The following AMBRA1 variants were observed in gnomAD, a reference collection of about 807,000 sequenced individuals.
The protein encoded by AMBRA1 is activating molecule in BECN1-regulated autophagy protein 1.
A neutral mutation model predicts 125.4 loss-of-function variants in AMBRA1; 47 were observed. The observed-to-expected ratio is 0.37, with a 90% CI of 0.30 to 0.48. AMBRA1 has a LOEUF of 0.48. Among genes scored for constraint, AMBRA1 ranks in the 20% least tolerant of loss-of-function variants. The pLI is 0.99. For synonymous variants in AMBRA1, 626 were observed against 655.5 expected, an observed-to-expected ratio of 0.95 and a Z score of 0.69; for missense variants, 1,331 against 1,693.4, an observed-to-expected ratio of 0.79 and a Z score of 3.76.
chr11:46,407,446 C>CA lies in AMBRA1; in HGVS notation c.3403+1066dup, dbSNP rs1330884422. 2.0e-5 allele frequency among the ~76,000 whole-genome samples: 3 copies of CA among 152,012 alleles called. No individual in the cohort carries two copies. In the East Asian group the frequency reaches 5.8e-4, roughly 29 times the overall value. On this transcript the variant is annotated intron_variant, in intron 17 of 17. Coordinates refer to ENST00000683756, the MANE Select transcript of AMBRA1 (RefSeq NM_001387011.1). ...GCAGCTCAGAGTCCACAGAAACCTGCAAAAAAGGGCCTGAAGATGGCAGAA... is the reference window on the plus strand; with the variant it reads ...GCAGCTCAGAGTCCACAGAAACCTGCAAAAAAAGGGCCTGAAGATGGCAGAA...
chr11:46,466,773 A>G (rs1324501119), intron 11 of AMBRA1, among the ~76,000 whole-genome samples: 1 of 152,188 alleles, frequency 6.6e-6, no homozygotes, highest in African/African-American at 2.4e-5. Context: ...CAAGGCTAAT[A>G]AAGTTAAATG....
chr11:46,411,578 C>T (rs907283771), intron 15 of AMBRA1, among the ~76,000 whole-genome samples: 2 of 152,192 alleles, frequency 1.3e-5, no homozygotes, highest in Non-Finnish European at 2.9e-5. Flanking sequence ...AAGCAATTCT[C>T]CTGCCTCAGC....
chr11:46,425,539 C>G (rs1315680944), intron 14 of AMBRA1, among the ~76,000 whole-genome samples: 1 of 152,020 alleles, frequency 6.6e-6, no homozygotes, highest in Admixed American at 6.5e-5. Context: ...TCACTGATAT[C>G]GGTTAGAACT....
intron 4 of AMBRA1, 125 bp downstream of exon 4, chr11:46,546,988 T>C (rs1953051332): frequency 1.2e-6 from 1 of 867,920 alleles, no homozygotes. Context: ...GAAGTATCAC[T>C]TGAACCTGGG....
At position 46,593,871 on chromosome 11, in the gene AMBRA1, C is replaced by A. The variant is rs2044694851; in HGVS notation, c.-164G>T. On this transcript the variant is annotated 5_prime_UTR_variant, in exon 1 of 18. Transcript: ENST00000683756. ...CTCGGTTTGCAGTCCAGCGAACGGG[C>A]TGAGCCACAGGGAAAAAGAAAGAGG... 1.0e-5 allele frequency: 4 copies of A among 397,786 alleles called. No homozygotes were observed. Among genetic ancestry groups the A allele is most frequent in the Non-Finnish European group, 8.9e-6 (2 of 225,960 alleles). 24.6% of individuals were successfully genotyped at this position (397,786 alleles called of 1,614,324 possible).
At chr11:46,466,903 T>A (rs1949351285) in intron 11 of AMBRA1, among the ~76,000 whole-genome samples, 1 of 140,056 alleles carries the variant, frequency 7.1e-6, no homozygotes, top group Non-Finnish European at 1.5e-5. Context: ...CTAATGTTTC[T>A]TTTTTTCTTT....
intron 11 of AMBRA1, chr11:46,491,367 T>C (rs1950453550): frequency 6.6e-6 from 1 of 152,238 alleles, no homozygotes; most frequent in Non-Finnish European, 1.5e-5. Context: ...TTTCCTCCAC[T>C]GTTAATTAGG....
intron 11 of AMBRA1, among the ~76,000 whole-genome samples, chr11:46,461,793 CAG>C (rs1388740318): frequency 6.6e-6 from 1 of 152,206 alleles, no homozygotes; most frequent in Non-Finnish European, 1.5e-5. Context: ...CCCACAAAGG[CAG>C]AGACTCTAAA....
chr11:46,434,115 CAAAAAAAAAAAA>C (rs145761376), intron 13 of AMBRA1, among the ~76,000 whole-genome samples: 1 of 53,556 alleles, frequency 1.9e-5, no homozygotes, highest in Non-Finnish European at 3.7e-5. Flanking sequence ...AACTCCGTCT[CAAAAAAAAAAAA>C]AAAAAAAAAA....
chr11:46,470,282 A>T (rs1460200244), intron 11 of AMBRA1, among the ~76,000 whole-genome samples: 1 of 151,976 alleles, frequency 6.6e-6, no homozygotes, highest in Non-Finnish European at 1.5e-5. Flanking sequence ...ATCTACAAAA[A>T]ATTTTTTAAA....
chr11:46,401,559 G>A (rs1010305261), intron 17 of AMBRA1, among the ~76,000 whole-genome samples: 3 of 152,154 alleles, frequency 2.0e-5, no homozygotes, highest in Non-Finnish European at 2.9e-5. Flanking sequence ...AGATTACCAG[G>A]GGCAGAACAG....
At chr11:46,487,070 C>G (rs1008629958) in intron 11 of AMBRA1, among the ~76,000 whole-genome samples, 3 of 151,850 alleles carry the variant, frequency 2.0e-5, no homozygotes, top group Non-Finnish European at 4.4e-5. Flanking sequence ...CTAGCCTGGG[C>G]AACATGGCAA....
At chr11:46,430,907 A>G (rs1360706352) in intron 14 of AMBRA1, among the ~76,000 whole-genome samples, 1 of 152,192 alleles carries the variant, frequency 6.6e-6, no homozygotes, top group East Asian at 1.9e-4. Flanking sequence ...AAAGAGGGAG[A>G]TGCTGTACTG....
rs1408426466 is a variant in AMBRA1, at chr11:46,574,373, T to C, written c.-121+19455A>G. Among the ~76,000 whole-genome samples the C allele has an allele frequency of 2.0e-5, 3 of 151,398 alleles. No homozygotes were observed. In the East Asian group the frequency reaches 5.8e-4, roughly 29 times the overall value. The stretch of plus-strand genomic sequence containing the variant: ...GATTGCCATTCTAACTGGTGTGAGA[T>C]GGTATCTCATTGTGGTTTTGATTTG... On this transcript the variant is annotated intron_variant, in intron 1 of 17. Coordinates refer to ENST00000683756, the MANE Select transcript of AMBRA1 (RefSeq NM_001387011.1).
chr11:46,542,790 T>C lies in AMBRA1; in HGVS notation c.1227A>G (p.Glu409=), dbSNP rs747206810. 25 of 1,613,880 alleles carry C rather than the reference T, an allele frequency of 1.5e-5. No homozygotes were observed. The highest frequency in any genetic ancestry group is 2.0e-5 in the Non-Finnish European group (24 of 1,180,004). ...CAGATCCTGTCAACCCAGGAGCTAT[T>C]TCTCGGTGATACCTAGAAGGGTGGC... ...LSSHPSRYHR[E]IAPGLTGSEW... The change falls in exon 7 of 18, where the codon GAA becomes GAG. Residue 409 remains glutamate (E), a synonymous_variant. Transcript: ENST00000683756. This position sits in a 1 kb window ranked among gnomAD's most constrained non-coding sequence, Gnocchi z 5.9.
At chr11:46,587,481 A>G (rs1415449117) in intron 1 of AMBRA1, among the ~76,000 whole-genome samples, 3 of 152,176 alleles carry the variant, frequency 2.0e-5, no homozygotes, top group African/African-American at 4.8e-5. Context: ...CATACATTAA[A>G]TATCAGACAC....
At chr11:46,550,445 T>TC (rs1251625983) in intron 1 of AMBRA1, among the ~76,000 whole-genome samples, 6 of 152,156 alleles carry the variant, frequency 3.9e-5, no homozygotes, top group African/African-American at 1.4e-4. Context: ...AAGGAATATC[T>TC]CCCCCTTTAC....
At chr11:46,461,406 A>G (rs1483551383) in intron 11 of AMBRA1, among the ~76,000 whole-genome samples, 1 of 152,260 alleles carries the variant, frequency 6.6e-6, no homozygotes, top group Non-Finnish European at 1.5e-5. Context: ...ATTTCTGGGC[A>G]TATGTTTGCA....
intron 1 of AMBRA1, among the ~76,000 whole-genome samples, chr11:46,584,084 T>C (rs1012215545): frequency 1.2e-4 from 17 of 143,472 alleles, no homozygotes; most frequent in Non-Finnish European, 1.1e-4. Flanking sequence ...GTATGTTTAT[T>C]GCGGCACTAT....
Sources: allele counts gnomAD v4.1 joint callset (sites outside exome capture counted in the v4.1 genomes callset), GRCh38; gene constraint gnomAD v4.1.1; non-coding constraint Gnocchi (gnomAD v3.1); transcripts MANE v1.5; gene names NCBI Gene and HGNC (gene_info 2026-07-23, HGNC 2026-07-21).